Variants in GNPAT observed in about 807,000 individuals in gnomAD.
The protein encoded by GNPAT is dihydroxyacetone phosphate acyltransferase.
In GNPAT, 30 loss-of-function variants were observed where a neutral mutation model predicts 78.4. The observed-to-expected ratio is 0.38, with a 90% confidence interval of 0.29 to 0.52. The LOEUF (loss-of-function observed/expected upper bound fraction) is 0.52. Among genes scored for constraint, GNPAT ranks in the 20% least tolerant of loss-of-function variants. GNPAT has a pLI of 0.84. For missense variants in GNPAT, 714 were observed against 812.2 expected (o/e 0.88, Z 1.47); for synonymous variants, 271 against 281.1 (o/e 0.96, Z 0.36).
At chr1:231,249,253 A>G (rs1293023725) in intron 1 of GNPAT, among the ~76,000 whole-genome samples, 2 of 152,228 alleles carry the variant, frequency 1.3e-5, no homozygotes, top group Admixed American at 6.5e-5. Flanking sequence ...GCAACTTTAC[A>G]TGAGAACTCC....
In GNPAT at chr1:231,270,829, G is replaced by A; in HGVS notation, c.1351G>A (p.Asp451Asn). 1 of 1,614,140 alleles carries A rather than the reference G, an allele frequency of 6.2e-7. No individual in the cohort carries two copies. Residue 451 changes from aspartate (D) to asparagine (N), a missense_variant, in exon 10 of 16, where the codon GAC becomes AAC. Physicochemically the swap from Asp to Asn is conservative, Grantham distance 23 (BLOSUM62 1). Transcript: ENST00000366647. ...TTCCAACATTGCCAGCCTTGTCAAAGACCAGGTGATTCTGAAAGTGGACTC... is the reference window on the plus strand; with the variant it reads ...TTCCAACATTGCCAGCCTTGTCAAAAACCAGGTGATTCTGAAAGTGGACTC... ...LHSNIASLVK[D>N]QVILKVDSGD...
At chr1:231,241,775 C>G (rs1684616576) in intron 1 of GNPAT, among the ~76,000 whole-genome samples, 2 of 152,206 alleles carry the variant, frequency 1.3e-5, no homozygotes. Context: ...TTGGAGTCTC[C>G]CCATCTCTAG....
In GNPAT at chr1:231,266,123, G is replaced by T; in HGVS notation, c.882G>T (p.Val294=). 1 of 1,612,216 alleles carries T rather than the reference G, an allele frequency of 6.2e-7. No individual in the cohort carries two copies. Among genetic ancestry groups the T allele is most frequent in the Non-Finnish European group, 8.5e-7 (1 of 1,178,382 alleles). Residue 294 remains valine (V), a synonymous_variant, in exon 7 of 16, where the codon GTG becomes GTT. Coordinates refer to ENST00000366647, the MANE Select transcript of GNPAT (RefSeq NM_014236.4). ...YDKILEETLY[V]YELLGVPKPK... ...AGATCTTGGAAGAAACTCTTTATGTGTATGAGCTTCTAGGGGTTCCTAAAC... is the reference window on the plus strand; with the variant it reads ...AGATCTTGGAAGAAACTCTTTATGTTTATGAGCTTCTAGGGGTTCCTAAAC...
chr1:231,265,512 A>G, intron 5 of GNPAT, 92 bp downstream of exon 5: 1 of 1,158,102 alleles, frequency 8.6e-7, no homozygotes. Flanking sequence ...TAGAACACTT[A>G]GCTATTTTGC....
chr1:231,269,601 A>T (rs1465390964), intron 9 of GNPAT, among the ~76,000 whole-genome samples: 2 of 152,182 alleles, frequency 1.3e-5, no homozygotes, highest in East Asian at 3.9e-4. Context: ...ACCTGTTCTC[A>T]GTGCTGTGAT....
rs892016517 is a variant in GNPAT, at chr1:231,270,697, G to T, written c.1280-61G>T. 25 of 1,554,872 alleles carry T rather than the reference G, an allele frequency of 1.6e-5. No homozygotes were observed. In the African/African-American group the frequency reaches 3.4e-4, roughly 21 times the overall value. ...GTTACCATTAATAACGTTAACGTAC[G>T]CTAGGCCTAAGACTCCCTGCAGTGA... On this transcript the variant is annotated intron_variant, in intron 9 of 15. Coordinates refer to ENST00000366647, the MANE Select transcript of GNPAT (RefSeq NM_014236.4).
At chr1:231,272,480 G>A in intron 11 of GNPAT, 89 bp downstream of exon 11, 1 of 772,042 alleles carries the variant, frequency 1.3e-6, no homozygotes, top group East Asian at 2.7e-5. Context: ...CTCAGGCAGT[G>A]TGCCATCCCT....
chr1:231,265,935 T>G, intron 6 of GNPAT, 79 bp from the exon 7 acceptor site: 1 of 1,207,498 alleles, frequency 8.3e-7, no homozygotes, highest in South Asian at 1.2e-5. Context: ...ATGTATGCTT[T>G]TAGTATTTTC....
chr1:231,273,490 A>T (rs1685624511), intron 11 of GNPAT, among the ~76,000 whole-genome samples: 2 of 152,030 alleles, frequency 1.3e-5, no homozygotes, highest in Non-Finnish European at 2.9e-5. Flanking sequence ...TGACTTCATG[A>T]TCCGCCCGCC....
chr1:231,267,440 A>C (rs1685420851), intron 8 of GNPAT, among the ~76,000 whole-genome samples: 1 of 152,190 alleles, frequency 6.6e-6, no homozygotes, highest in Non-Finnish European at 1.5e-5. Flanking sequence ...TTTGCCTGGA[A>C]CCAGGAATAA....
At chr1:231,265,652 G>T in intron 5 of GNPAT, 60 bp from the exon 6 acceptor site, 2 of 1,030,104 alleles carry the variant, frequency 1.9e-6, no homozygotes, top group Non-Finnish European at 3.1e-6. Context: ...ATCAAAAGAA[G>T]CATTTATCAT....
chr1:231,271,296 C>A (rs925221251), intron 10 of GNPAT, among the ~76,000 whole-genome samples: 1 of 152,204 alleles, frequency 6.6e-6, no homozygotes, highest in Non-Finnish European at 1.5e-5. Flanking sequence ...TTCTCCACTT[C>A]CTGGTCTGCG....
Position 231,245,066 on chromosome 1 carries a change from A to G in GNPAT, c.78+3610A>G, listed in dbSNP as rs375528777. Among the ~76,000 whole-genome samples, 27 of 152,262 alleles carry G rather than the reference A, an allele frequency of 1.8e-4. 1 individual carries two copies. The highest frequency in any genetic ancestry group is 8.3e-4 in the South Asian group (4 of 4,832). On this transcript the variant is annotated intron_variant, in intron 1 of 15. Transcript: ENST00000366647. The stretch of plus-strand genomic sequence containing the variant: ...CATAGTCCCTTCTGTGTGGCATGCT[A>G]TGTTTTCTCAGAAGTTTTATTGCTG...
intron 6 of GNPAT, 29 bp from the exon 7 acceptor site, chr1:231,265,985 G>A: frequency 6.3e-7 from 1 of 1,598,280 alleles, no homozygotes; most frequent in Non-Finnish European, 8.6e-7. Flanking sequence ...TCAATATGTT[G>A]ATGAAGCATT....
chr1:231,267,081 A>G lies in GNPAT; in HGVS notation c.1056-599A>G, dbSNP rs115261514. On this transcript the variant is annotated intron_variant, in intron 8 of 15. Transcript: ENST00000366647. ...ACACAGGCTCTCTCTTTAGATCTCA[A>G]ATTGGTTTGGCTGGCTATTACCTAG... Among the ~76,000 whole-genome samples, 504 of 152,206 alleles carry G rather than the reference A, an allele frequency of 3.3e-3. 1 individual carries two copies. Among genetic ancestry groups the G allele is most frequent in the African/African-American group, 0.012 (478 of 41,518 alleles).
rs768674644 is a variant in GNPAT at position 231,260,650 on chromosome 1, G to A, written c.405G>A (p.Ser135=). The A allele has an allele frequency of 1.4e-5, 22 of 1,611,856 alleles. No individual in the cohort carries two copies. The highest frequency in any genetic ancestry group is 3.3e-5 in the Admixed American group (2 of 59,940). ...TLSKVFKQIF[S]KVCVNEEGIQ... is the part of the protein sequence containing the mutation. Reference sequence around the variant, plus strand: ...GCAAAGTATTTAAACAAATTTTCTCGAAGGTGTGTGTAAATGAAGAAGGTA... The same window carrying A: ...GCAAAGTATTTAAACAAATTTTCTCAAAGGTGTGTGTAAATGAAGAAGGTA... Residue 135 remains serine (S), a synonymous_variant, in exon 3 of 16, where the codon TCG becomes TCA. Transcript: ENST00000366647.
rs935372957 is a variant in GNPAT at position 231,268,033 on chromosome 1, T to C, written c.1279+130T>C. On this transcript the variant is annotated intron_variant, in intron 9 of 15. Transcript: ENST00000366647. ...AAGAGAAAGGACAGGCCGGGCGCGG[T>C]GGTTCACACCTGTAATCCCAGCACT... 3.1e-5 allele frequency: 22 copies of C among 715,392 alleles called. No homozygotes were observed. The African/African-American group carries it at 3.7e-4, about 12-fold the overall frequency. The allele number at this position is 715,392 out of a possible 1,614,324, so 44.3% of individuals were successfully genotyped here. A position where few individuals can be genotyped will look rare whatever the true frequency, so the allele number is the denominator to read the frequency against.
chr1:231,272,737 G>A (rs1284291633), intron 11 of GNPAT, among the ~76,000 whole-genome samples: 3 of 152,130 alleles, frequency 2.0e-5, no homozygotes, highest in Admixed American at 6.5e-5. Context: ...TTGGGAGGCC[G>A]AGGCAGGCGG....
In GNPAT at chr1:231,277,676, A is replaced by G. The variant is rs567988490; in HGVS notation, c.*134A>G. 1 of 693,050 alleles carries G rather than the reference A, an allele frequency of 1.4e-6. No individual in the cohort carries two copies. Among genetic ancestry groups the G allele is most frequent in the Non-Finnish European group, 2.7e-6 (1 of 376,964 alleles). 42.9% of individuals were successfully genotyped at this position (693,050 alleles called of 1,614,324 possible). On this transcript the variant is annotated 3_prime_UTR_variant, in exon 16 of 16. Transcript: ENST00000366647. ...GAGACTCTGAGAACAGTGGACGCAG[A>G]GGGAAGAGATGATCATTGGAAGCAA...
Sources: gnomAD v4.1 joint callset for allele counts (sites outside exome capture counted in the v4.1 genomes callset) on GRCh38, gnomAD v4.1.1 for gene constraint, MANE v1.5 for transcripts, NCBI Gene and HGNC (gene_info 2026-07-23, HGNC 2026-07-21) for gene names.